The following ELMO1 variants were observed in gnomAD, a reference collection of about 807,000 sequenced individuals.
The protein encoded by ELMO1 is engulfment and cell motility protein 1.
ELMO1 carries 26 observed loss-of-function variants against 98.9 expected under a neutral mutation model. That is an observed-to-expected ratio of 0.26 (90% CI 0.19 to 0.36). The LOEUF is 0.36. Among genes scored for constraint, ELMO1 ranks in the 10% least tolerant of loss-of-function variants. ELMO1 has a pLI of 1.00. For missense variants in ELMO1, 627 were observed against 935.2 expected (o/e 0.67, Z 4.30); for synonymous variants, 346 against 346.0 (o/e 1.00, Z 0.00).
intron 13 of ELMO1, among the ~76,000 whole-genome samples, chr7:37,193,000 TATATATATACAC>T (rs1245959223): frequency 2.9e-5 from 3 of 102,378 alleles, no homozygotes; most frequent in South Asian, 6.6e-4. Context: ...TATATATATA[TATATATATACAC>T]ACACACACAT....
At chr7:36,919,677 A>G (rs965967523) in intron 16 of ELMO1, among the ~76,000 whole-genome samples, 2 of 152,138 alleles carry the variant, frequency 1.3e-5, no homozygotes, top group Admixed American at 1.3e-4. Flanking sequence ...AGTATCCTAA[A>G]AGAAGCTCTG....
At chr7:37,131,438 A>T (rs555727235) in intron 14 of ELMO1, among the ~76,000 whole-genome samples, 1 of 152,350 alleles carries the variant, frequency 6.6e-6, no homozygotes, top group African/African-American at 2.4e-5. Context: ...GGCTTAAAAC[A>T]TTAAATTACT....
intron 16 of ELMO1, among the ~76,000 whole-genome samples, chr7:36,919,036 G>A (rs1784932200): frequency 6.6e-6 from 1 of 152,104 alleles, no homozygotes; most frequent in African/African-American, 2.4e-5. Flanking sequence ...CTAAAATAAA[G>A]TACTTTATTC....
intron 10 of ELMO1, among the ~76,000 whole-genome samples, chr7:37,220,974 C>T (rs181695325): frequency 1.6e-4 from 25 of 152,270 alleles, no homozygotes; most frequent in Non-Finnish European, 2.5e-4. Context: ...GGTATGTACA[C>T]GGTGAGAGCT....
chr7:37,175,934 A>C (rs768955937), intron 13 of ELMO1, among the ~76,000 whole-genome samples: 32 of 152,244 alleles, frequency 2.1e-4, no homozygotes, highest in Admixed American at 8.5e-4. Context: ...GTATAAGAAC[A>C]TAGTTACTTT....
intron 15 of ELMO1, among the ~76,000 whole-genome samples, chr7:37,023,824 T>G (rs1412602233): frequency 1.3e-5 from 2 of 152,154 alleles, no homozygotes; most frequent in African/African-American, 4.8e-5. Context: ...CCTCAAGTGA[T>G]CTGCCCACCT....
intron 1 of ELMO1, among the ~76,000 whole-genome samples, chr7:37,416,878 C>T (rs2131515784): frequency 6.6e-6 from 1 of 152,290 alleles, no homozygotes; most frequent in East Asian, 1.9e-4. Context: ...TGTTTTGTGG[C>T]ACTGAAAGAG....
chr7:37,147,084 G>A (rs929087199), intron 13 of ELMO1, among the ~76,000 whole-genome samples: 5 of 151,836 alleles, frequency 3.3e-5, no homozygotes, highest in Non-Finnish European at 5.9e-5. Context: ...TCAGAGAAAT[G>A]TGAAGTCCCA....
chr7:37,154,689 A>AGT (rs1788608801), intron 13 of ELMO1, among the ~76,000 whole-genome samples: 1 of 152,228 alleles, frequency 6.6e-6, no homozygotes, highest in African/African-American at 2.4e-5. Flanking sequence ...ACATTTGACT[A>AGT]GTGCACCTGC....
intron 16 of ELMO1, among the ~76,000 whole-genome samples, chr7:36,999,857 G>A (rs894370574): frequency 6.6e-6 from 1 of 152,052 alleles, no homozygotes; most frequent in Non-Finnish European, 1.5e-5. Flanking sequence ...CTGCATCTGT[G>A]GCAGCTTCAG....
At chr7:37,286,487 A>G (rs2392487) in intron 4 of ELMO1, among the ~76,000 whole-genome samples, 85,333 of 152,082 alleles carry the variant, frequency 0.56, 24,413 homozygotes, top group East Asian at 0.78. Context: ...GCAGTGCCAC[A>G]TGAAGACAGT....
At chr7:37,030,484 G>A (rs1312823536) in intron 15 of ELMO1, among the ~76,000 whole-genome samples, 1 of 151,990 alleles carries the variant, frequency 6.6e-6, no homozygotes, top group Admixed American at 6.6e-5. Flanking sequence ...ATCTTATATG[G>A]TTAATATAAC....
chr7:37,298,082 T>C lies in ELMO1; in HGVS notation c.192+16768A>G, dbSNP rs572167448. On this transcript the variant is annotated intron_variant, in intron 4 of 21. Coordinates refer to ENST00000310758, the MANE Select transcript of ELMO1 (RefSeq NM_014800.11). The stretch of plus-strand genomic sequence containing the variant: ...TTTTGAAGATACTTGAGATTTTGTA[T>C]CTGCTTGCTTCAGAGCAGCAGACAC... Among the ~76,000 whole-genome samples, 5 of 152,294 alleles carry C rather than the reference T, an allele frequency of 3.3e-5. No individual in the cohort carries two copies. In the East Asian group the frequency reaches 9.6e-4, roughly 29 times the overall value.
At position 36,953,280 on chromosome 7, in the gene ELMO1, T is replaced by C. The variant is rs573647275; in HGVS notation, c.1438-58263A>G. On this transcript the variant is annotated intron_variant, in intron 16 of 21. Coordinates refer to ENST00000310758, the MANE Select transcript of ELMO1 (RefSeq NM_014800.11). ...CCGTGCCTCTCTTGACATACTACTC[T>C]TGAACGTACTACTCTCTTGACATAA... Among the ~76,000 whole-genome samples, 66 of 152,284 alleles carry C rather than the reference T, an allele frequency of 4.3e-4. No homozygotes were observed. In the East Asian group the frequency reaches 0.012, roughly 27 times the overall value.
intron 15 of ELMO1, among the ~76,000 whole-genome samples, chr7:37,049,803 GT>G (rs1796004207): frequency 6.9e-6 from 1 of 145,200 alleles, no homozygotes; most frequent in Non-Finnish European, 1.5e-5. Context: ...TTGAGATGGA[GT>G]TTTGCTCTTG....
intron 15 of ELMO1, among the ~76,000 whole-genome samples, chr7:37,083,632 A>T (rs150871865): frequency 6.6e-6 from 1 of 152,248 alleles, no homozygotes; most frequent in Non-Finnish European, 1.5e-5. Context: ...GGGAAGCCAC[A>T]TTGGGTTTGT....
At chr7:37,213,290 T>C in intron 12 of ELMO1, 45 bp downstream of exon 12, 3 of 1,595,826 alleles carry the variant, frequency 1.9e-6, no homozygotes, top group South Asian at 1.1e-5. Flanking sequence ...TTAATGACAC[T>C]TTCTGTCCTT....
chr7:37,345,987 TAAAAAA>T, intron 1 of ELMO1, among the ~76,000 whole-genome samples: 1 of 114,474 alleles, frequency 8.7e-6, no homozygotes, highest in South Asian at 2.7e-4. Flanking sequence ...AGACTCCATC[TAAAAAA>T]AAAAAAAAAA....
chr7:37,333,433 GA>G (rs1463229538), intron 2 of ELMO1, among the ~76,000 whole-genome samples: 2 of 152,176 alleles, frequency 1.3e-5, no homozygotes, highest in Admixed American at 1.3e-4. Flanking sequence ...GAAGGAAGTA[GA>G]ACAGAAGAGA....
Sources: allele counts gnomAD v4.1 joint callset (sites outside exome capture counted in the v4.1 genomes callset), GRCh38; gene constraint gnomAD v4.1.1; transcripts MANE v1.5; gene names NCBI Gene and HGNC (gene_info 2026-07-23, HGNC 2026-07-21).